Variants in DCC observed in about 807,000 individuals in gnomAD.
DCC encodes the protein DCC netrin 1 receptor.
In DCC, 58 loss-of-function variants were observed where a neutral mutation model predicts 172.5. The observed-to-expected ratio is 0.34, with a 90% CI of 0.27 to 0.42. The LOEUF is 0.42. Ranked by LOEUF, DCC falls within the 10% of genes least tolerant of loss-of-function variation. The pLI is 1.00. For missense variants in DCC, 1,740 were observed against 1,791.0 expected (o/e 0.97, Z 0.51); for synonymous variants, 709 against 644.5 (o/e 1.10, Z -1.52).
intron 1 of DCC, among the ~76,000 whole-genome samples, chr18:52,540,644 T>C (rs2032414690): frequency 7.0e-6 from 1 of 142,458 alleles, no homozygotes; most frequent in Non-Finnish European, 1.5e-5. Context: ...TCTTGCTCTT[T>C]CGCCCAAGCC....
In DCC at chr18:53,515,811, A is replaced by G. The variant is rs1448970627; in HGVS notation, c.4112-10806A>G. ...AAGGAAATAAAAGAGGATACAAACA[A>G]ATGGAAGAACATTCCATGCTCATGG... On this transcript the variant is annotated intron_variant, in intron 27 of 28. Transcript: ENST00000442544. 2.6e-5 allele frequency among the ~76,000 whole-genome samples: 4 copies of G among 151,952 alleles called. 1 individual carries two copies. Among genetic ancestry groups the G allele is most frequent in the Non-Finnish European group, 5.9e-5 (4 of 67,998 alleles).
chr18:52,628,049 T>G (rs543941376), intron 1 of DCC, among the ~76,000 whole-genome samples: 23 of 152,330 alleles, frequency 1.5e-4, no homozygotes, highest in African/African-American at 5.5e-4. Flanking sequence ...TTTATGACTT[T>G]CTGGGAAAAA....
intron 12 of DCC, among the ~76,000 whole-genome samples, chr18:53,257,286 G>C (rs1185518791): frequency 2.0e-5 from 3 of 152,154 alleles, no homozygotes; most frequent in Non-Finnish European, 4.4e-5. Flanking sequence ...TCCGTGTCTT[G>C]TGCCAGTTTT....
At chr18:52,429,723 C>T (rs1398128065) in intron 1 of DCC, among the ~76,000 whole-genome samples, 1 of 152,152 alleles carries the variant, frequency 6.6e-6, no homozygotes, top group African/African-American at 2.4e-5. Flanking sequence ...CCAAACAAAG[C>T]TCCATTATAA....
intron 1 of DCC, among the ~76,000 whole-genome samples, chr18:52,509,344 C>A (rs1393771658): frequency 1.3e-5 from 2 of 152,088 alleles, no homozygotes; most frequent in Admixed American, 1.3e-4. Context: ...AATATTTTCA[C>A]TTGTTTCCCT....
chr18:52,832,383 C>A (rs2038631197), intron 2 of DCC, among the ~76,000 whole-genome samples: 1 of 152,090 alleles, frequency 6.6e-6, no homozygotes, highest in South Asian at 2.1e-4. Context: ...TTTTGGGGAT[C>A]AAACTCCTTT....
chr18:52,979,548 C>T (rs866750348), intron 5 of DCC, among the ~76,000 whole-genome samples: 3 of 152,108 alleles, frequency 2.0e-5, no homozygotes, highest in Non-Finnish European at 2.9e-5. Context: ...AAGTTGTATT[C>T]GTCAAATTCA....
chr18:52,824,350 T>C (rs1462535732), intron 2 of DCC, among the ~76,000 whole-genome samples: 1 of 152,138 alleles, frequency 6.6e-6, no homozygotes, highest in African/African-American at 2.4e-5. Context: ...AAACATGAAG[T>C]GGTCTGTTTA....
At chr18:52,542,664 C>T (rs996233829) in intron 1 of DCC, among the ~76,000 whole-genome samples, 3 of 152,100 alleles carry the variant, frequency 2.0e-5, no homozygotes, top group South Asian at 4.1e-4. Context: ...GGAGAAACCC[C>T]GTCTCTACTA....
At chr18:53,105,512 T>A (rs9946519) in intron 7 of DCC, among the ~76,000 whole-genome samples, 1 of 151,828 alleles carries the variant, frequency 6.6e-6, no homozygotes, top group Non-Finnish European at 1.5e-5. Flanking sequence ...TTATTTGTAT[T>A]TTGTTAAGTA....
intron 1 of DCC, among the ~76,000 whole-genome samples, chr18:52,395,588 G>T (rs941870294): frequency 6.6e-6 from 1 of 152,006 alleles, no homozygotes; most frequent in African/African-American, 2.4e-5. Context: ...AGTTTTAAAG[G>T]TGCAAACTCT....
intron 9 of DCC, among the ~76,000 whole-genome samples, chr18:53,204,797 A>G (rs959289178): frequency 6.6e-6 from 1 of 152,170 alleles, no homozygotes; most frequent in Non-Finnish European, 1.5e-5. Context: ...TTTTAATTAT[A>G]AGTAGAACCA....
Position 52,962,497 on chromosome 18 carries a change from A to G in DCC, c.985+37127A>G, listed in dbSNP as rs1037129538. Among the ~76,000 whole-genome samples, 45 of 151,804 alleles carry G rather than the reference A, an allele frequency of 3.0e-4. 1 individual carries two copies. The highest frequency in any genetic ancestry group is 5.9e-4 in the Non-Finnish European group (40 of 67,952). On this transcript the variant is annotated intron_variant, in intron 5 of 28. Transcript: ENST00000442544. Reference sequence around the variant, plus strand: ...TGTGGAGAAATAGGAACACTTTTACACTGTTGGTGGGACTGTAAACTAGTT... The same window carrying G: ...TGTGGAGAAATAGGAACACTTTTACGCTGTTGGTGGGACTGTAAACTAGTT...
chr18:53,170,386 T>C (rs1451862075), intron 8 of DCC, among the ~76,000 whole-genome samples: 1 of 152,270 alleles, frequency 6.6e-6, no homozygotes, highest in African/African-American at 2.4e-5. Flanking sequence ...TTTTGATTTA[T>C]CTTTGCAAAG....
At chr18:53,350,455 T>C (rs1343026919) in intron 15 of DCC, among the ~76,000 whole-genome samples, 1 of 152,158 alleles carries the variant, frequency 6.6e-6, no homozygotes, top group Non-Finnish European at 1.5e-5. Context: ...TGATGCTTAC[T>C]AGAAGACATT....
intron 25 of DCC, chr18:53,480,925 GT>G (rs1321842109): frequency 2.6e-5 from 4 of 152,146 alleles, no homozygotes; most frequent in African/African-American, 9.7e-5. Flanking sequence ...AGAGCTTCAA[GT>G]TGTTTCATGA....
chr18:53,265,530 C>T (rs781093034), intron 12 of DCC, among the ~76,000 whole-genome samples: 4 of 152,138 alleles, frequency 2.6e-5, no homozygotes, highest in Non-Finnish European at 4.4e-5. Flanking sequence ...ATTTGGAGAC[C>T]ATTTTTATTT....
At chr18:53,452,511 A>C (rs535721176) in intron 23 of DCC, among the ~76,000 whole-genome samples, 15 of 152,164 alleles carry the variant, frequency 9.9e-5, no homozygotes, top group African/African-American at 3.4e-4. Context: ...CAAAAGTGGG[A>C]TTTGGTGCCA....
At chr18:53,202,631 G>A (rs2055557587) in intron 9 of DCC, among the ~76,000 whole-genome samples, 1 of 152,118 alleles carries the variant, frequency 6.6e-6, no homozygotes, top group Admixed American at 6.6e-5. Context: ...ATCTCCCCAT[G>A]GGTTGCTTAT....
Sources: gnomAD v4.1 joint callset for allele counts (sites outside exome capture counted in the v4.1 genomes callset) on GRCh38, gnomAD v4.1.1 for gene constraint, MANE v1.5 for transcripts, NCBI Gene and HGNC (gene_info 2026-07-23, HGNC 2026-07-21) for gene names.